MYO1D: variants seen among roughly 807,000 people sequenced by gnomAD.
MYO1D encodes the protein myosin ID.
A neutral mutation model predicts 122.0 loss-of-function variants in MYO1D; 83 were observed. That is an observed-to-expected ratio of 0.68 (90% CI 0.57 to 0.82). The LOEUF (loss-of-function observed/expected upper bound fraction) is 0.82. Ranked by LOEUF, MYO1D falls within the 40% of genes least tolerant of loss-of-function variation. MYO1D has a pLI of 0.00. For missense variants in MYO1D, 1,157 were observed against 1,269.5 expected (o/e 0.91, Z 1.35); for synonymous variants, 464 against 446.9 (o/e 1.04, Z -0.48).
intron 16 of MYO1D, among the ~76,000 whole-genome samples, chr17:32,672,767 A>G (rs1597992744): frequency 6.6e-6 from 1 of 152,022 alleles, no homozygotes; most frequent in African/African-American, 2.4e-5. Context: ...ATTATAGCCA[A>G]TCATAAAGTG....
chr17:32,718,830 T>C (rs1306237466), intron 15 of MYO1D, among the ~76,000 whole-genome samples: 1 of 152,202 alleles, frequency 6.6e-6, no homozygotes, highest in African/African-American at 2.4e-5. Flanking sequence ...AATCTAAACA[T>C]TGTCATGGAC....
intron 20 of MYO1D, among the ~76,000 whole-genome samples, chr17:32,611,887 G>A (rs1426504899): frequency 6.6e-6 from 1 of 152,174 alleles, no homozygotes. Flanking sequence ...CACAGGAGGA[G>A]ATAAGTAAAT....
chr17:32,682,551 C>G (rs964174395), intron 16 of MYO1D, among the ~76,000 whole-genome samples: 1 of 151,200 alleles, frequency 6.6e-6, no homozygotes, highest in Admixed American at 6.6e-5. Context: ...GTTGAAAATT[C>G]TTTTTTTTAA....
At chr17:32,559,862 A>T (rs1174141000) in intron 21 of MYO1D, among the ~76,000 whole-genome samples, 1 of 152,202 alleles carries the variant, frequency 6.6e-6, no homozygotes, top group Non-Finnish European at 1.5e-5. Context: ...CTTTAAATGA[A>T]GTATTTCTTG....
At chr17:32,518,417 C>T (rs1909975053) in intron 21 of MYO1D, 1 of 152,232 alleles carries the variant, frequency 6.6e-6, no homozygotes, top group African/African-American at 2.4e-5. Flanking sequence ...CCTAATCTAT[C>T]TTATTTACTC....
At chr17:32,829,628 A>G (rs2090753973) in intron 1 of MYO1D, among the ~76,000 whole-genome samples, 3 of 152,108 alleles carry the variant, frequency 2.0e-5, no homozygotes, top group African/African-American at 4.8e-5. Flanking sequence ...TAATTTTTTT[A>G]TATTTCAGTA....
chr17:32,854,171 A>G (rs552246530), intron 1 of MYO1D, among the ~76,000 whole-genome samples: 2 of 152,336 alleles, frequency 1.3e-5, no homozygotes, highest in South Asian at 4.1e-4. Flanking sequence ...CACTCCACGG[A>G]AAGTTTCTTT....
chr17:32,789,929 C>G (rs1381327595), intron 1 of MYO1D, among the ~76,000 whole-genome samples: 1 of 152,088 alleles, frequency 6.6e-6, no homozygotes, highest in Admixed American at 6.6e-5. Flanking sequence ...ATTTTAAGCC[C>G]CCCTGGTTTG....
intron 21 of MYO1D, among the ~76,000 whole-genome samples, chr17:32,579,406 G>A (rs753800929): frequency 4.6e-5 from 7 of 152,114 alleles, no homozygotes; most frequent in South Asian, 4.2e-4. Flanking sequence ...GTATTTGTTC[G>A]TGCTGTTTTC....
chr17:32,613,635 G>A (rs1186438575), intron 20 of MYO1D, among the ~76,000 whole-genome samples: 5 of 151,662 alleles, frequency 3.3e-5, no homozygotes, highest in Non-Finnish European at 5.9e-5. Context: ...TTAGCTGTGC[G>A]TGGTGGTGCG....
chr17:32,556,325 G>C (rs2087068395), intron 21 of MYO1D, among the ~76,000 whole-genome samples: 1 of 152,190 alleles, frequency 6.6e-6, no homozygotes, highest in Admixed American at 6.5e-5. Context: ...CTCTGACACA[G>C]ACTGGATAGA....
chr17:32,584,171 A>AT (rs2087366164), intron 21 of MYO1D, among the ~76,000 whole-genome samples: 1 of 151,988 alleles, frequency 6.6e-6, no homozygotes, highest in Non-Finnish European at 1.5e-5. Flanking sequence ...TTTTTATGAT[A>AT]TTTTCCCCAA....
At chr17:32,833,160 CCT>C (rs1302522460) in intron 1 of MYO1D, among the ~76,000 whole-genome samples, 4 of 152,150 alleles carry the variant, frequency 2.6e-5, no homozygotes, top group African/African-American at 4.8e-5. Flanking sequence ...ACACTGAGCC[CCT>C]GATAGTGTCC....
chr17:32,799,122 C>T (rs1027184298), intron 1 of MYO1D, among the ~76,000 whole-genome samples: 2 of 152,096 alleles, frequency 1.3e-5, no homozygotes, highest in Non-Finnish European at 2.9e-5. Flanking sequence ...TTTCTATACT[C>T]AGGAATACCA....
At chr17:32,601,702 G>A (rs1322842102) in intron 21 of MYO1D, among the ~76,000 whole-genome samples, 1 of 152,172 alleles carries the variant, frequency 6.6e-6, no homozygotes, top group Non-Finnish European at 1.5e-5. Flanking sequence ...CATAAAGTGA[G>A]CATATGCTGT....
chr17:32,865,172 G>GT (rs892270163), intron 1 of MYO1D, among the ~76,000 whole-genome samples: 46 of 152,026 alleles, frequency 3.0e-4, no homozygotes, highest in African/African-American at 9.9e-4. Context: ...ATGTTGTTGG[G>GT]TTTTTTTCAT....
At chr17:32,754,430 G>C (rs1034404737) in intron 11 of MYO1D, among the ~76,000 whole-genome samples, 3 of 152,156 alleles carry the variant, frequency 2.0e-5, no homozygotes, top group Non-Finnish European at 4.4e-5. Context: ...CCAATTTGTA[G>C]TAGGGTTACT....
intron 16 of MYO1D, among the ~76,000 whole-genome samples, chr17:32,678,351 G>A (rs1322567228): frequency 2.7e-5 from 4 of 150,712 alleles, no homozygotes; most frequent in African/African-American, 9.8e-5. Flanking sequence ...CTGGTGCGCT[G>A]CACCCACTAA....
At chr17:32,767,603 A>C (rs753399322) in intron 7 of MYO1D, 33 bp downstream of exon 7, 3 of 1,399,278 alleles carry the variant, frequency 2.1e-6, no homozygotes, top group Non-Finnish European at 2.0e-6. Flanking sequence ...TCTCAGCAGA[A>C]GACAATACAT....
Sources: gnomAD v4.1 joint callset for allele counts (sites outside exome capture counted in the v4.1 genomes callset) on GRCh38, gnomAD v4.1.1 for gene constraint, MANE v1.5 for transcripts, NCBI Gene and HGNC (gene_info 2026-07-23, HGNC 2026-07-21) for gene names.